CMIP: variants seen among roughly 807,000 people sequenced by gnomAD.
CMIP encodes c-Maf inducing protein.
In CMIP, 13 loss-of-function variants were observed where a neutral mutation model predicts 97.3. The ratio of observed to expected loss-of-function variants is 0.13; its 90% CI spans 0.09 to 0.21. The LOEUF (loss-of-function observed/expected upper bound fraction) is 0.21, where lower values mean the gene tolerates loss of function less well. CMIP is among the 10% of genes least tolerant of loss of function. The probability of loss-of-function intolerance (pLI) is 1.00; values close to 1 mark genes in which losing one functional copy is unlikely to be tolerated. For missense variants in CMIP, 847 were observed against 1,024.9 expected, an observed-to-expected ratio of 0.83 and a Z score of 2.37; for synonymous variants, 538 against 436.3, an observed-to-expected ratio of 1.23 and a Z score of -2.91.
chr16:81,478,578 G>A (rs1191931915), intron 1 of CMIP, among the ~76,000 whole-genome samples: 5 of 152,164 alleles, frequency 3.3e-5, no homozygotes, highest in African/African-American at 4.8e-5. Flanking sequence ...CAGGGATGGT[G>A]AATGCACAGA....
At position 81,701,646 on chromosome 16, in the gene CMIP, G is replaced by T; in HGVS notation, c.1756-14G>T. The T allele has an allele frequency of 6.2e-7, 1 of 1,613,880 alleles. No homozygotes were observed. The highest frequency in any genetic ancestry group is 1.1e-5 in the South Asian group (1 of 91,086). ...CAGGCCGGGTCCGTAATGCACCCCT[G>T]CGGTTCTGGACAGATCCTGTGCTTG... is the stretch of plus-strand genomic sequence containing the variant. On this transcript the variant is annotated splice_polypyrimidine_tract_variant and intron_variant, in intron 15 of 20. Transcript: ENST00000537098.
intron 5 of CMIP, among the ~76,000 whole-genome samples, chr16:81,658,718 A>G (rs1405787519): frequency 6.6e-6 from 1 of 152,256 alleles, no homozygotes; most frequent in Non-Finnish European, 1.5e-5. Context: ...AGGAAATGAG[A>G]AGCAGGCGGA....
At chr16:81,590,879 T>G (rs1435872288) in intron 1 of CMIP, among the ~76,000 whole-genome samples, 1 of 151,108 alleles carries the variant, frequency 6.6e-6, no homozygotes, top group Non-Finnish European at 1.5e-5. Flanking sequence ...ATCACATTTC[T>G]ATTTCCTCTT....
At chr16:81,672,443 CTGTG>C (rs1404881647) in intron 9 of CMIP, among the ~76,000 whole-genome samples, 3 of 152,214 alleles carry the variant, frequency 2.0e-5, no homozygotes, top group African/African-American at 4.8e-5. Flanking sequence ...ATACATGTGA[CTGTG>C]TGTACGTGTG....
chr16:81,672,453 G>A (rs145558966), intron 9 of CMIP, among the ~76,000 whole-genome samples: 87 of 152,350 alleles, frequency 5.7e-4, no homozygotes, highest in African/African-American at 1.9e-3. Flanking sequence ...CTGTGTGTAC[G>A]TGTGTGCACA....
intron 1 of CMIP, among the ~76,000 whole-genome samples, chr16:81,462,552 G>A (rs938886333): frequency 6.6e-6 from 1 of 152,144 alleles, no homozygotes; most frequent in African/African-American, 2.4e-5. Flanking sequence ...TTTTTATTCA[G>A]AGTTTTGCTC....
chr16:81,603,378 G>A (rs1476220650), intron 1 of CMIP: 8 of 454,118 alleles, frequency 1.8e-5, no homozygotes, highest in Admixed American at 7.1e-5. Context: ...CACCGCGCCC[G>A]GCCTTGTTTT....
rs781581559 is a variant in CMIP, at chr16:81,652,301, C to T, written c.576C>T (p.Ser192=). ...CCCTGGTGGACATGGCCCTGACATC[C>T]CCCCTGCAGGATGACTCCATCAACC... ...IRTLVDMALT[S]PLQDDSINQA... The change falls in exon 4 of 21, where the codon TCC becomes TCT. Residue 192 remains serine (S), a synonymous_variant. Coordinates refer to ENST00000537098, the MANE Select transcript of CMIP (RefSeq NM_198390.3). This position sits in a 1 kb window ranked among gnomAD's most constrained non-coding sequence, Gnocchi z 5.2. The T allele has an allele frequency of 7.4e-6, 12 of 1,613,910 alleles. No individual in the cohort carries two copies. The highest frequency in any genetic ancestry group is 1.0e-5 in the Non-Finnish European group (12 of 1,179,802).
chr16:81,686,973 G>A (rs1484044655), intron 10 of CMIP, among the ~76,000 whole-genome samples: 1 of 151,888 alleles, frequency 6.6e-6, no homozygotes, highest in Non-Finnish European at 1.5e-5. Context: ...GCATCTCTCT[G>A]CAGCGCCTCC....
chr16:81,599,761 G>C (rs1428868783), intron 1 of CMIP, among the ~76,000 whole-genome samples: 1 of 152,176 alleles, frequency 6.6e-6, no homozygotes, highest in Non-Finnish European at 1.5e-5. Context: ...CTGTGCCTCA[G>C]TTTCTTCCTC....
At chr16:81,671,529 A>G (rs1293867380) in intron 8 of CMIP, among the ~76,000 whole-genome samples, 1 of 152,238 alleles carries the variant, frequency 6.6e-6, no homozygotes, top group African/African-American at 2.4e-5. Context: ...GGAATAATTA[A>G]TTATTCCTGA....
intron 1 of CMIP, among the ~76,000 whole-genome samples, chr16:81,558,756 T>C (rs1431948409): frequency 6.6e-5 from 10 of 152,184 alleles, no homozygotes; most frequent in Admixed American, 6.5e-4. Context: ...AGGAAGCTTT[T>C]CTTGGATTGT....
chr16:81,633,273 G>C (rs553806917), intron 3 of CMIP, among the ~76,000 whole-genome samples: 21 of 152,342 alleles, frequency 1.4e-4, no homozygotes, highest in African/African-American at 5.1e-4. Flanking sequence ...AGGCCCCTGA[G>C]CTGGGTTGCT....
At chr16:81,664,780 C>T in intron 7 of CMIP, 1 of 344,364 alleles carries the variant, frequency 2.9e-6, no homozygotes. Flanking sequence ...CACTCAGCCT[C>T]AGCCAGGTGA....
At chr16:81,530,768 G>A (rs1217174883) in intron 1 of CMIP, among the ~76,000 whole-genome samples, 1 of 152,180 alleles carries the variant, frequency 6.6e-6, no homozygotes, top group Non-Finnish European at 1.5e-5. Context: ...TCCATCCAAG[G>A]TGGCATCACT....
At chr16:81,479,563 T>A (rs1405895343) in intron 1 of CMIP, among the ~76,000 whole-genome samples, 1 of 152,134 alleles carries the variant, frequency 6.6e-6, no homozygotes, top group Non-Finnish European at 1.5e-5. Flanking sequence ...TGACTTTGAC[T>A]CCTTTAGGGA....
intron 3 of CMIP, among the ~76,000 whole-genome samples, chr16:81,645,993 A>G (rs1229698007): frequency 6.6e-6 from 1 of 152,156 alleles, no homozygotes; most frequent in Non-Finnish European, 1.5e-5. Context: ...AGTACTTAAC[A>G]TAGTGCTTGG....
At position 81,556,861 on chromosome 16, in the gene CMIP, C is replaced by A. The variant is rs114786359; in HGVS notation, c.301-50706C>A. ...TTCTGTACGGTGCCTGAATGGCGCT[C>A]CTGAAAACTGTGCAGGTCCTCAAGG... On this transcript the variant is annotated intron_variant, in intron 1 of 20. Coordinates refer to ENST00000537098, the MANE Select transcript of CMIP (RefSeq NM_198390.3). Among the ~76,000 whole-genome samples the A allele has an allele frequency of 3.4e-3, 513 of 152,340 alleles. 6 individuals are homozygous for A. Among genetic ancestry groups the A allele is most frequent in the African/African-American group, 0.011 (465 of 41,564 alleles).
chr16:81,699,764 T>C lies in CMIP; in HGVS notation c.1718T>C (p.Met573Thr), dbSNP rs758473979. The C allele has an allele frequency of 6.8e-6, 11 of 1,613,564 alleles. No individual in the cohort carries two copies. The highest frequency in any genetic ancestry group is 3.4e-6 in the Non-Finnish European group (4 of 1,179,672). Reference sequence around the variant, plus strand: ...GCAGAAAACAAGCTGGGTCCCTGCATGCTCCTGGCACTGAGGGGGAACCAG... The same window carrying C: ...GCAGAAAACAAGCTGGGTCCCTGCACGCTCCTGGCACTGAGGGGGAACCAG... ...SLAENKLGPC[M>T]LLALRGNQTM... Residue 573 changes from methionine (M) to threonine (T), a missense_variant, in exon 15 of 21, where the codon ATG becomes ACG. Transcript: ENST00000537098.
Sources: gnomAD v4.1 joint callset for allele counts (sites outside exome capture counted in the v4.1 genomes callset) on GRCh38, gnomAD v4.1.1 for gene constraint, Gnocchi (gnomAD v3.1) non-coding constraint, MANE v1.5 for transcripts, NCBI Gene and HGNC (gene_info 2026-07-23, HGNC 2026-07-21) for gene names.